HS6ST3: variants seen among roughly 807,000 people sequenced by gnomAD.
HS6ST3 encodes the protein heparan sulfate 6-O-sulfotransferase 3, also known as heparan-sulfate 6-O-sulfotransferase 3.
A neutral mutation model predicts 36.7 loss-of-function variants in HS6ST3; 12 were observed. The observed-to-expected ratio is 0.33, with a 90% confidence interval of 0.21 to 0.53. HS6ST3 has a LOEUF of 0.53. HS6ST3 is among the 20% of genes least tolerant of loss of function. The pLI is 0.95. For missense variants in HS6ST3, 584 were observed against 640.9 expected (o/e 0.91, Z 0.96); for synonymous variants, 240 against 257.5 (o/e 0.93, Z 0.65).
chr13:96,353,757 TAAAGA>T (rs1338246095), intron 1 of HS6ST3, among the ~76,000 whole-genome samples: 1 of 152,104 alleles, frequency 6.6e-6, no homozygotes, highest in Non-Finnish European at 1.5e-5. Flanking sequence ...TTTAAAATCA[TAAAGA>T]AAAGATGTTT....
chr13:96,210,929 T>C (rs1055387616), intron 1 of HS6ST3, among the ~76,000 whole-genome samples: 3 of 150,738 alleles, frequency 2.0e-5, no homozygotes, highest in Non-Finnish European at 4.4e-5. Context: ...TCTATGATTA[T>C]TATCTTTTTT....
At chr13:96,269,737 C>A (rs998747507) in intron 1 of HS6ST3, among the ~76,000 whole-genome samples, 4 of 152,006 alleles carry the variant, frequency 2.6e-5, no homozygotes, top group African/African-American at 9.7e-5. Flanking sequence ...CACACCTCCA[C>A]CCAGAATCAC....
chr13:96,421,847 A>G (rs961649686), intron 1 of HS6ST3, among the ~76,000 whole-genome samples: 13 of 152,228 alleles, frequency 8.5e-5, no homozygotes, highest in African/African-American at 2.9e-4. Context: ...CTGTCTTTTC[A>G]TCTTTACATG....
chr13:96,643,518 C>G (rs534863431), intron 1 of HS6ST3, among the ~76,000 whole-genome samples: 1 of 151,994 alleles, frequency 6.6e-6, no homozygotes, highest in East Asian at 1.9e-4. Context: ...CTGTTATCCA[C>G]TGCTTCAGGT....
chr13:96,804,387 G>A (rs540012005), intron 1 of HS6ST3, among the ~76,000 whole-genome samples: 24 of 152,154 alleles, frequency 1.6e-4, no homozygotes, highest in Non-Finnish European at 2.1e-4. Context: ...GGGTGTGGCC[G>A]GGAGCTTACC....
intron 1 of HS6ST3, among the ~76,000 whole-genome samples, chr13:96,580,138 A>G (rs1247133972): frequency 6.7e-6 from 1 of 150,350 alleles, no homozygotes; most frequent in East Asian, 2.0e-4. Context: ...TTGACTGAGG[A>G]ATATTTTTTT....
intron 1 of HS6ST3, among the ~76,000 whole-genome samples, chr13:96,720,176 G>T (rs1293253725): frequency 1.3e-5 from 2 of 152,144 alleles, no homozygotes; most frequent in African/African-American, 4.8e-5. Context: ...TAGGCTCTAA[G>T]ACCTGGTTAT....
intron 1 of HS6ST3, among the ~76,000 whole-genome samples, chr13:96,645,077 A>G (rs2056584221): frequency 6.6e-6 from 1 of 151,904 alleles, no homozygotes; most frequent in Admixed American, 6.6e-5. Flanking sequence ...TTTTTAAATA[A>G]ATGTATTGCC....
intron 1 of HS6ST3, among the ~76,000 whole-genome samples, chr13:96,293,561 C>T (rs191262373): frequency 6.6e-6 from 1 of 152,056 alleles, no homozygotes; most frequent in African/African-American, 2.4e-5. Context: ...TATATACACT[C>T]CCCCCTCATG....
intron 1 of HS6ST3, among the ~76,000 whole-genome samples, chr13:96,469,612 T>A (rs1453966031): frequency 6.6e-6 from 1 of 152,160 alleles, no homozygotes; most frequent in East Asian, 1.9e-4. Context: ...TTTTAAAAAT[T>A]ACTGAGTCAA....
chr13:96,782,420 G>C (rs199693625), intron 1 of HS6ST3, among the ~76,000 whole-genome samples: 1 of 152,100 alleles, frequency 6.6e-6, no homozygotes, highest in Non-Finnish European at 1.5e-5. Flanking sequence ...GGTGTGGCTT[G>C]TGGGCTGCTA....
chr13:96,579,361 C>A (rs1001897448), intron 1 of HS6ST3, among the ~76,000 whole-genome samples: 21 of 152,112 alleles, frequency 1.4e-4, no homozygotes, highest in Admixed American at 1.2e-3. Context: ...AGACTTCAGA[C>A]CAATTCTTTG....
intron 1 of HS6ST3, among the ~76,000 whole-genome samples, chr13:96,713,505 T>A (rs927870276): frequency 5.3e-5 from 8 of 152,196 alleles, no homozygotes; most frequent in Non-Finnish European, 1.0e-4. Context: ...CAAGAATAGA[T>A]TCTGAACACC....
intron 1 of HS6ST3, among the ~76,000 whole-genome samples, chr13:96,223,956 C>T (rs2054468278): frequency 6.6e-6 from 1 of 152,028 alleles, no homozygotes; most frequent in South Asian, 2.1e-4. Flanking sequence ...CCTCCCCTCC[C>T]GTCTCAATCT....
At chr13:96,400,184 C>G (rs1020057708) in intron 1 of HS6ST3, among the ~76,000 whole-genome samples, 5 of 150,952 alleles carry the variant, frequency 3.3e-5, no homozygotes, top group African/African-American at 7.3e-5. Flanking sequence ...CACACACACA[C>G]AGACACATAT....
chr13:96,171,604 G>A (rs1046795913), intron 1 of HS6ST3, among the ~76,000 whole-genome samples: 1 of 152,254 alleles, frequency 6.6e-6, no homozygotes, highest in Non-Finnish European at 1.5e-5. Flanking sequence ...CAGTATTGTG[G>A]TTTTTCTCTA....
intron 1 of HS6ST3, among the ~76,000 whole-genome samples, chr13:96,457,840 T>C (rs189570061): frequency 2.7e-4 from 41 of 152,298 alleles, no homozygotes; most frequent in Admixed American, 2.7e-3. Context: ...GCATTTTTTT[T>C]CCAAGAAAAC....
At chr13:96,649,219 A>G (rs896055533) in intron 1 of HS6ST3, among the ~76,000 whole-genome samples, 2 of 152,022 alleles carry the variant, frequency 1.3e-5, no homozygotes, top group African/African-American at 4.8e-5. Flanking sequence ...ACAGTTCACC[A>G]TGGCTTAGGA....
chr13:96,752,388 T>G (rs1390642628), intron 1 of HS6ST3, among the ~76,000 whole-genome samples: 1 of 152,196 alleles, frequency 6.6e-6, no homozygotes, highest in African/African-American at 2.4e-5. Flanking sequence ...AACGTCAAAT[T>G]GCTTTGCAAA....
Sources: gnomAD v4.1 joint callset for allele counts (sites outside exome capture counted in the v4.1 genomes callset) on GRCh38, gnomAD v4.1.1 for gene constraint, MANE v1.5 for transcripts, NCBI Gene and HGNC (gene_info 2026-07-23, HGNC 2026-07-21) for gene names.